Variants in STAU1 observed in about 807,000 individuals in gnomAD.
The protein encoded by STAU1 is staufen double-stranded RNA binding protein 1, also known as double-stranded RNA-binding protein Staufen homolog 1.
A neutral mutation model predicts 62.9 loss-of-function variants in STAU1; 13 were observed. The observed-to-expected ratio is 0.21, with a 90% confidence interval of 0.13 to 0.33. The LOEUF (loss-of-function observed/expected upper bound fraction) is 0.33, where lower values mean the gene tolerates loss of function less well. Ranked by LOEUF, STAU1 falls within the 10% of genes least tolerant of loss-of-function variation. STAU1 has a pLI of 1.00. For synonymous variants in STAU1, 269 were observed against 265.1 expected (o/e 1.01, Z -0.14); for missense variants, 571 against 712.1 (o/e 0.80, Z 2.25).
At chr20:49,172,502 A>T in intron 2 of STAU1, among the ~76,000 whole-genome samples, 1 of 152,214 alleles carries the variant, frequency 6.6e-6, no homozygotes, top group Non-Finnish European at 1.5e-5. Context: ...GTTCTGTGTG[A>T]TATTTTCTTG....
chr20:49,195,560 AAGATAG>A, the STAU1 span, among the ~76,000 whole-genome samples: 3 of 130,942 alleles, frequency 2.3e-5, 1 homozygote, highest in African/African-American at 1.1e-4. Context: ...AAAAAAAAAA[AAGATAG>A]CAACAGACAG....
At chr20:49,138,138 G>T (rs1265187752) in intron 5 of STAU1, among the ~76,000 whole-genome samples, 3 of 152,026 alleles carry the variant, frequency 2.0e-5, no homozygotes, top group Non-Finnish European at 2.9e-5. Flanking sequence ...ACAAATATTA[G>T]CAGGTGCGGT....
In STAU1 at chr20:49,150,522, C is replaced by T. The variant is rs191580414; in HGVS notation, c.510+1060G>A. ...GACTACAGGCGCCCACCACCACGCC[C>T]GGCGAATTTTTTGTATTTTTAGTAG... On this transcript the variant is annotated intron_variant, in intron 5 of 13. Coordinates refer to ENST00000371856, the MANE Select transcript of STAU1 (RefSeq NM_017453.4). Among the ~76,000 whole-genome samples the T allele has an allele frequency of 1.9e-4, 29 of 152,150 alleles. No homozygotes were observed. In the East Asian group the frequency reaches 4.1e-3, roughly 21 times the overall value.
intron 5 of STAU1, 103 bp downstream of exon 5, chr20:49,151,479 C>T: frequency 8.3e-7 from 1 of 1,204,588 alleles, no homozygotes; most frequent in Non-Finnish European, 1.1e-6. Context: ...AAATTATGGA[C>T]AGCTGTCAAT....
intron 6 of STAU1, among the ~76,000 whole-genome samples, chr20:49,134,283 T>C (rs138919133): frequency 1.4e-3 from 215 of 151,730 alleles, no homozygotes; most frequent in African/African-American, 4.8e-3. Context: ...AATACAAAAT[T>C]AGCTCGGCAT....
At chr20:49,119,155 TACCACTTCTG>T (rs1262367001) in intron 9 of STAU1, among the ~76,000 whole-genome samples, 1 of 152,196 alleles carries the variant, frequency 6.6e-6, no homozygotes. Flanking sequence ...AGGTCCTGCT[TACCACTTCTG>T]GCAGACACGA....
intron 3 of STAU1, among the ~76,000 whole-genome samples, chr20:49,159,661 G>A (rs2093419449): frequency 6.6e-6 from 1 of 152,136 alleles, no homozygotes; most frequent in Non-Finnish European, 1.5e-5. Flanking sequence ...CCCAGGTTCA[G>A]GTGATTCTCC....
At chr20:49,202,582 T>A in the STAU1 span, among the ~76,000 whole-genome samples, 12 of 150,436 alleles carry the variant, frequency 8.0e-5, no homozygotes, top group Admixed American at 7.3e-4. Context: ...AAAAAATAAA[T>A]AAATAAATAA....
At chr20:49,122,849 G>A (rs1318545177) in intron 8 of STAU1, among the ~76,000 whole-genome samples, 2 of 152,116 alleles carry the variant, frequency 1.3e-5, no homozygotes, top group Non-Finnish European at 2.9e-5. Flanking sequence ...TCAGGGAGTC[G>A]GAGGTTGTAG....
chr20:49,206,922 AT>A, the STAU1 span, among the ~76,000 whole-genome samples: 2 of 151,030 alleles, frequency 1.3e-5, no homozygotes, highest in Non-Finnish European at 3.0e-5. Context: ...CACCCAGCTA[AT>A]TTTTGTATTT....
At chr20:49,159,264 A>G in intron 3 of STAU1, 3 of 624,882 alleles carry the variant, frequency 4.8e-6, no homozygotes, top group Non-Finnish European at 4.0e-6. Flanking sequence ...GCAAGGCTAG[A>G]ATCTTGGTTT....
chr20:49,155,077 A>C (rs2093336418), intron 3 of STAU1, among the ~76,000 whole-genome samples: 1 of 110,796 alleles, frequency 9.0e-6, no homozygotes, highest in Admixed American at 8.5e-5. Flanking sequence ...CAAGAGCAAA[A>C]CTCTGTCTTA....
At chr20:49,120,270 G>C (rs1480701826) in intron 8 of STAU1, 142 bp from the exon 9 acceptor site, 3 of 889,266 alleles carry the variant, frequency 3.4e-6, no homozygotes, top group Non-Finnish European at 4.9e-6. Context: ...CCTTGTCTCT[G>C]AGAGCTAATT....
intron 3 of STAU1, among the ~76,000 whole-genome samples, chr20:49,165,109 A>C (rs1428923931): frequency 6.6e-6 from 1 of 150,710 alleles, no homozygotes; most frequent in Non-Finnish European, 1.5e-5. Context: ...CAGTGCCATG[A>C]TCTCAGCTCA....
At chr20:49,130,796 G>C (rs1238186921) in intron 6 of STAU1, among the ~76,000 whole-genome samples, 1 of 152,140 alleles carries the variant, frequency 6.6e-6, no homozygotes, top group Non-Finnish European at 1.5e-5. Flanking sequence ...CCAGCACTCT[G>C]GGAGGCCAAG....
the STAU1 span, among the ~76,000 whole-genome samples, chr20:49,212,128 T>C: frequency 6.6e-6 from 1 of 152,196 alleles, no homozygotes; most frequent in African/African-American, 2.4e-5. Context: ...TAGCTGGGAC[T>C]ACAGGTACAT....
chr20:49,193,247 G>A (rs1362693587), upstream of STAU1, among the ~76,000 whole-genome samples: 15 of 152,042 alleles, frequency 9.9e-5, no homozygotes, highest in Admixed American at 9.8e-4. Context: ...CATGGTGGCA[G>A]GCGCCTGTAA....
upstream of STAU1, among the ~76,000 whole-genome samples, chr20:49,192,609 A>G (rs1324056160): frequency 1.3e-5 from 2 of 152,148 alleles, no homozygotes; most frequent in African/African-American, 2.4e-5. Flanking sequence ...CAGCCTGGCC[A>G]ACGTGGCAAA....
the STAU1 span, among the ~76,000 whole-genome samples, chr20:49,201,071 A>AAAAAAAAAG: frequency 1.7e-4 from 18 of 104,640 alleles, no homozygotes; most frequent in Non-Finnish European, 2.4e-4. Context: ...AAAAAAAAAA[A>AAAAAAAAAG]AAGAAGAAGA....
Sources: allele counts gnomAD v4.1 joint callset (sites outside exome capture counted in the v4.1 genomes callset), GRCh38; gene constraint gnomAD v4.1.1; transcripts MANE v1.5; gene names NCBI Gene and HGNC (gene_info 2026-07-23, HGNC 2026-07-21).